The following HOXA3 variants were observed in gnomAD, a reference collection of about 807,000 sequenced individuals.
HOXA3 encodes homeobox A3, also known as homeobox protein Hox-A3.
HOXA3 carries 8 observed loss-of-function variants against 30.3 expected under a neutral mutation model. The ratio of observed to expected loss-of-function variants is 0.26; its 90% CI spans 0.15 to 0.48. The LOEUF (loss-of-function observed/expected upper bound fraction) is 0.48. HOXA3 is among the 20% of genes least tolerant of loss of function. The pLI is 0.99. For missense variants in HOXA3, 653 were observed against 614.4 expected (o/e 1.06, Z -0.66); for synonymous variants, 323 against 273.1 (o/e 1.18, Z -1.80).
rs1785596302 is a variant in HOXA3, at chr7:27,132,694, A to G, written c.-389-5624T>C. 2.6e-5 allele frequency among the ~76,000 whole-genome samples: 4 copies of G among 152,236 alleles called. No homozygotes were observed. The South Asian group carries it at 8.3e-4, about 32-fold the overall frequency. On this transcript the variant is annotated intron_variant, in intron 2 of 5. Coordinates refer to ENST00000612286, the MANE Select transcript of HOXA3 (RefSeq NM_153631.3). Reference sequence around the variant, plus strand: ...CTCTAGACTGGAGGAAAAATTTAGAATGTGATACATCTACCTGAACCAATA... The same window carrying G: ...CTCTAGACTGGAGGAAAAATTTAGAGTGTGATACATCTACCTGAACCAATA...
intron 2 of HOXA3, chr7:27,129,511 T>G (rs764158995): frequency 3.7e-6 from 6 of 1,614,008 alleles, no homozygotes; most frequent in Non-Finnish European, 5.1e-6. Flanking sequence ...CTCCAAGACC[T>G]GCTGCCGGGT....
At chr7:27,149,855 A>G (rs950637958) in intron 1 of HOXA3, among the ~76,000 whole-genome samples, 3 of 152,256 alleles carry the variant, frequency 2.0e-5, no homozygotes, top group African/African-American at 7.2e-5. Flanking sequence ...TATTATTTAA[A>G]ATGAAAACAA....
chr7:27,121,586 T>C (rs907804815), intron 4 of HOXA3, among the ~76,000 whole-genome samples: 1 of 152,232 alleles, frequency 6.6e-6, no homozygotes, highest in Admixed American at 6.5e-5. Flanking sequence ...ATCAGCCTTA[T>C]AGCACGACTG....
rs771409970 is a variant in HOXA3 at position 27,147,678 on chromosome 7, C to G, written c.-494+4610G>C. ...CATAGCCAGCCTGGTAGAGGGGCAG[C>G]TGGCCCAAGAAGGAGTCCTGGCCGC... On this transcript the variant is annotated intron_variant, in intron 1 of 5. Transcript: ENST00000612286. The G allele has an allele frequency of 7.4e-6, 12 of 1,613,844 alleles. No individual in the cohort carries two copies. The Admixed American group carries it at 1.8e-4, about 25-fold the overall frequency.
At chr7:27,150,197 CG>C (rs1307515907) in intron 1 of HOXA3, 1 of 151,366 alleles carries the variant, frequency 6.6e-6, no homozygotes, top group African/African-American at 2.4e-5. Context: ...AGGGCTATTC[CG>C]GCAAGAATAG....
chr7:27,107,213 A>T lies in HOXA3; in HGVS notation c.*702T>A, dbSNP rs1376723810. On this transcript the variant is annotated 3_prime_UTR_variant, in exon 6 of 6. Transcript: ENST00000612286. ...TATCGTTACCGTTTAAAGGAATTATATTTCTCTTTCAAATAAAAAAAATTC... is the reference window on the plus strand; with the variant it reads ...TATCGTTACCGTTTAAAGGAATTATTTTTCTCTTTCAAATAAAAAAAATTC... 6.6e-6 allele frequency: 1 copy of T among 152,090 alleles called. No individual in the cohort carries two copies. Among genetic ancestry groups the T allele is most frequent in the Non-Finnish European group, 1.5e-5 (1 of 68,016 alleles). The allele number at this position is 152,090 out of a possible 1,614,324, so 9.4% of individuals were successfully genotyped here.
intron 1 of HOXA3, chr7:27,143,109 T>C: frequency 6.3e-7 from 1 of 1,575,894 alleles, no homozygotes; most frequent in Non-Finnish European, 8.6e-7. Context: ...GGCGCCGGGC[T>C]CGGCTCGCTC....
At chr7:27,130,934 G>C in intron 2 of HOXA3, 1 of 616,982 alleles carries the variant, frequency 1.6e-6, no homozygotes, top group South Asian at 1.8e-5. Context: ...AGCCCAGCGC[G>C]CGCCCCGCCC....
intron 1 of HOXA3, chr7:27,151,355 C>G (rs1001935449): frequency 1.5e-5 from 5 of 339,476 alleles, no homozygotes; most frequent in South Asian, 1.1e-4. Flanking sequence ...CCGGGCAGCT[C>G]CACCATCCTC....
intron 1 of HOXA3, chr7:27,141,254 G>C (rs1158410216): frequency 6.6e-6 from 1 of 152,422 alleles, no homozygotes; most frequent in Non-Finnish European, 1.5e-5. Context: ...TCGTGCAAAG[G>C]GTCCTATAAA....
chr7:27,143,818 G>T, intron 1 of HOXA3: 3 of 896,068 alleles, frequency 3.3e-6, no homozygotes, highest in Non-Finnish European at 3.0e-6. Flanking sequence ...AGGTAAACTC[G>T]TGCACTAATA....
intron 2 of HOXA3, chr7:27,129,297 T>C (rs751514929): frequency 6.2e-7 from 1 of 1,613,978 alleles, no homozygotes; most frequent in African/African-American, 1.3e-5. Flanking sequence ...TCTGAGTTTG[T>C]GCTTTCCCTG....
At chr7:27,150,110 T>C (rs1782917459) in intron 1 of HOXA3, 1 of 67,588 alleles carries the variant, frequency 1.5e-5, no homozygotes, top group African/African-American at 5.5e-5. Context: ...CATTGGAATC[T>C]TTACATGTTA....
At chr7:27,114,268 C>G (rs1166126641) in intron 4 of HOXA3, among the ~76,000 whole-genome samples, 2 of 152,116 alleles carry the variant, frequency 1.3e-5, no homozygotes. Context: ...ACAAACGGCT[C>G]TCACAAAGGG....
At chr7:27,143,024 T>A in intron 1 of HOXA3, 1 of 1,494,054 alleles carries the variant, frequency 6.7e-7, no homozygotes, top group East Asian at 2.5e-5. Flanking sequence ...GTCGCGTGGA[T>A]TTAGAAAAAG....
At chr7:27,145,852 G>C in intron 1 of HOXA3, 2 of 1,614,250 alleles carry the variant, frequency 1.2e-6, no homozygotes, top group Non-Finnish European at 1.7e-6. Flanking sequence ...TCCTTCTCCA[G>C]CTCCAGTGTC....
At position 27,108,233 on chromosome 7, in the gene HOXA3, GC is replaced by G; in HGVS notation, c.1013del (p.Gly338AlafsTer38). 6.6e-7 allele frequency: 1 copy of G among 1,518,234 alleles called. No individual in the cohort carries two copies. Among genetic ancestry groups the G allele is most frequent in the Non-Finnish European group, 8.8e-7 (1 of 1,133,532 alleles). 94.0% of individuals were successfully genotyped at this position (1,518,234 alleles called of 1,614,324 possible). ...GAGCGTGCGGGTCATAGTCGGGGGTGCCCCCTGCGCCCGCCCCTGCCGCCGT... is the reference window on the plus strand; with the variant it reads ...GAGCGTGCGGGTCATAGTCGGGGGTGCCCCTGCGCCCGCCCCTGCCGCCGT... ...RYTAAGAGAG[G>X]TPDYDPHAHG... On this transcript the variant is annotated frameshift_variant, in exon 6 of 6. Transcript: ENST00000612286. LOFTEE classifies it high-confidence loss of function. The surrounding 1 kb of genome is among the most constrained non-coding windows in gnomAD (Gnocchi z 5.0).
At chr7:27,145,668 G>T (rs754833942) in intron 1 of HOXA3, 1 of 1,613,510 alleles carries the variant, frequency 6.2e-7, no homozygotes, top group Non-Finnish European at 8.5e-7. Context: ...CTACTCGCCC[G>T]CCTTTGCCTC....
chr7:27,124,768 C>T (rs1785205679), intron 3 of HOXA3, among the ~76,000 whole-genome samples: 1 of 152,198 alleles, frequency 6.6e-6, no homozygotes, highest in South Asian at 2.1e-4. Flanking sequence ...CCTTTATCAG[C>T]TGCAACCAGG....
Sources: gnomAD v4.1 joint callset for allele counts (sites outside exome capture counted in the v4.1 genomes callset) on GRCh38, gnomAD v4.1.1 for gene constraint, Gnocchi (gnomAD v3.1) non-coding constraint, MANE v1.5 for transcripts, NCBI Gene and HGNC (gene_info 2026-07-23, HGNC 2026-07-21) for gene names.